EGLN1: variants seen among roughly 807,000 people sequenced by gnomAD.
The protein encoded by EGLN1 is egl nine homolog 1.
EGLN1 carries 17 observed loss-of-function variants against 38.3 expected under a neutral mutation model. That is an observed-to-expected ratio of 0.44 (90% CI 0.30 to 0.67). The LOEUF (loss-of-function observed/expected upper bound fraction) is 0.67, where lower values mean the gene tolerates loss of function less well. EGLN1 is among the 30% of genes least tolerant of loss of function. The pLI is 0.08. For missense variants in EGLN1, 477 were observed against 603.3 expected (o/e 0.79, Z 2.19); for synonymous variants, 283 against 257.5 (o/e 1.10, Z -0.95).
intron 2 of EGLN1, 91 bp from the exon 3 acceptor site, chr1:231,370,789 T>G: frequency 7.2e-7 from 1 of 1,393,156 alleles, no homozygotes; most frequent in African/African-American, 1.4e-5. Context: ...TTCAATGTCT[T>G]AATTGGATTA....
At chr1:231,384,925 T>TA (rs1267905632) in intron 1 of EGLN1, among the ~76,000 whole-genome samples, 1 of 152,058 alleles carries the variant, frequency 6.6e-6, no homozygotes, top group Non-Finnish European at 1.5e-5. Context: ...GCCCTTGACA[T>TA]AAAAAGTCTG....
chr1:231,380,263 C>T lies in EGLN1; in HGVS notation c.892-6164G>A, dbSNP rs545381567. On this transcript the variant is annotated intron_variant, in intron 1 of 4. Coordinates refer to ENST00000366641, the MANE Select transcript of EGLN1 (RefSeq NM_022051.3). ...CCCGGGAGGCGGAGCTTGCAGTGAG[C>T]GGAGATCGCGCCACTGCACTCAAGC... Among the ~76,000 whole-genome samples, 14 of 135,478 alleles carry T rather than the reference C, an allele frequency of 1.0e-4. No homozygotes were observed. The East Asian group carries it at 2.2e-3, about 21-fold the overall frequency. The allele number at this position is 135,478 out of a possible 152,430, so 88.9% of individuals were successfully genotyped here.
intron 1 of EGLN1, among the ~76,000 whole-genome samples, chr1:231,399,184 G>A (rs1052607968): frequency 6.6e-6 from 1 of 152,158 alleles, no homozygotes; most frequent in Non-Finnish European, 1.5e-5. Flanking sequence ...AAAGACAGCA[G>A]GAGCAGCAGA....
chr1:231,374,984 G>A (rs1457741638), intron 1 of EGLN1, among the ~76,000 whole-genome samples: 1 of 152,042 alleles, frequency 6.6e-6, no homozygotes, highest in Non-Finnish European at 1.5e-5. Flanking sequence ...AACTGAAATT[G>A]GTAATGGTAT....
At chr1:231,419,563 G>A (rs1656497065) in intron 1 of EGLN1, among the ~76,000 whole-genome samples, 1 of 150,588 alleles carries the variant, frequency 6.6e-6, no homozygotes, top group African/African-American at 2.5e-5. Context: ...TTAAAGTTGT[G>A]CCCTGACAAC....
chr1:231,386,461 T>A (rs536103610), intron 1 of EGLN1, among the ~76,000 whole-genome samples: 1 of 152,298 alleles, frequency 6.6e-6, no homozygotes, highest in South Asian at 2.1e-4. Context: ...TAATGATGAG[T>A]CTGTTTCATC....
chr1:231,386,816 T>C (rs1403093209), intron 1 of EGLN1, among the ~76,000 whole-genome samples: 3 of 152,194 alleles, frequency 2.0e-5, no homozygotes, highest in South Asian at 4.1e-4. Context: ...GGTTTTACCA[T>C]CCATTGCTAA....
chr1:231,404,049 C>G (rs186678700), intron 1 of EGLN1, among the ~76,000 whole-genome samples: 200 of 152,048 alleles, frequency 1.3e-3, no homozygotes, highest in Middle Eastern at 6.8e-3. Context: ...TATACAATGT[C>G]AACACTAAAA....
At chr1:231,393,158 G>C (rs993173187) in intron 1 of EGLN1, among the ~76,000 whole-genome samples, 3 of 104,292 alleles carry the variant, frequency 2.9e-5, no homozygotes, top group African/African-American at 8.1e-5. Flanking sequence ...AACTAATATA[G>C]AAAAGAAAAG....
chr1:231,367,050 T>C (rs1319456841), intron 4 of EGLN1, among the ~76,000 whole-genome samples: 2 of 152,204 alleles, frequency 1.3e-5, no homozygotes, highest in Non-Finnish European at 2.9e-5. Context: ...TCAGGTTCAG[T>C]ACAAGAGTGC....
intron 3 of EGLN1, among the ~76,000 whole-genome samples, chr1:231,368,812 C>A (rs769711316): frequency 2.6e-5 from 4 of 152,148 alleles, no homozygotes; most frequent in African/African-American, 4.8e-5. Context: ...TTTACAGACC[C>A]CACCACTGGT....
intron 1 of EGLN1, among the ~76,000 whole-genome samples, chr1:231,417,347 T>G (rs1018627140): frequency 1.3e-5 from 2 of 152,242 alleles, no homozygotes; most frequent in East Asian, 3.8e-4. Flanking sequence ...TTGGATTAAA[T>G]TCCAAAAATG....
intron 1 of EGLN1, among the ~76,000 whole-genome samples, chr1:231,375,169 CCT>C (rs1687929194): frequency 6.6e-6 from 1 of 152,192 alleles, no homozygotes; most frequent in Admixed American, 6.5e-5. Flanking sequence ...GATTCTCCTG[CCT>C]CGGCCTCCCG....
intron 1 of EGLN1, among the ~76,000 whole-genome samples, chr1:231,414,198 A>C (rs1411200265): frequency 6.6e-6 from 1 of 152,206 alleles, no homozygotes; most frequent in Non-Finnish European, 1.5e-5. Flanking sequence ...GCACAGTGGA[A>C]AAGAAGGTGG....
chr1:231,397,573 G>GACCATGT (rs1688561715), intron 1 of EGLN1, among the ~76,000 whole-genome samples: 1 of 152,180 alleles, frequency 6.6e-6, no homozygotes, highest in African/African-American at 2.4e-5. Flanking sequence ...TTGCAACAGA[G>GACCATGT]ACCATGTAGC....
Position 231,386,349 on chromosome 1 carries a change from T to C in EGLN1, c.892-12250A>G, listed in dbSNP as rs191877425. 3.6e-3 allele frequency among the ~76,000 whole-genome samples: 542 copies of C among 152,332 alleles called. 2 individuals carry two copies. Among genetic ancestry groups the C allele is most frequent in the Middle Eastern group, 0.014 (4 of 294 alleles). The stretch of plus-strand genomic sequence containing the variant: ...ATGACTATCTCCATTTTACAAATAA[T>C]TTTATCTAGTCTTGTTTTAAGAGCT... On this transcript the variant is annotated intron_variant, in intron 1 of 4. Transcript: ENST00000366641.
At chr1:231,372,420 A>G (rs1416408249) in intron 2 of EGLN1, among the ~76,000 whole-genome samples, 2 of 152,304 alleles carry the variant, frequency 1.3e-5, no homozygotes, top group East Asian at 1.9e-4. Context: ...CTACACATTA[A>G]TGACCCTGAC....
At chr1:231,417,382 T>C (rs975026060) in intron 1 of EGLN1, among the ~76,000 whole-genome samples, 18 of 152,314 alleles carry the variant, frequency 1.2e-4, no homozygotes, top group African/African-American at 4.1e-4. Flanking sequence ...CTAGTATTTC[T>C]ATTTTAATGG....
intron 1 of EGLN1, among the ~76,000 whole-genome samples, chr1:231,390,046 A>T (rs917254854): frequency 6.7e-6 from 1 of 150,092 alleles, no homozygotes; most frequent in African/African-American, 2.5e-5. Context: ...CCACTTACTG[A>T]CTGTGTTACT....
Sources: allele counts gnomAD v4.1 joint callset (sites outside exome capture counted in the v4.1 genomes callset), GRCh38; gene constraint gnomAD v4.1.1; transcripts MANE v1.5; gene names NCBI Gene and HGNC (gene_info 2026-07-23, HGNC 2026-07-21).